The following LHFPL1 variants were observed in gnomAD, a reference collection of about 807,000 sequenced individuals.
LHFPL1 encodes the protein LHFPL tetraspan subfamily member 1.
Under a neutral mutation model 12.1 loss-of-function variants are expected in LHFPL1, and 4 were observed. That is an observed-to-expected ratio of 0.33 (90% CI 0.16 to 0.76). The LOEUF is 0.76. Among genes scored for constraint, LHFPL1 ranks in the 30% least tolerant of loss-of-function variants. The pLI, the probability that LHFPL1 is intolerant of heterozygous loss-of-function variation, is 0.61. For synonymous variants in LHFPL1, 52 were observed against 61.9 expected, an observed-to-expected ratio of 0.84 and a Z score of 0.75; for missense variants, 141 against 174.1, an observed-to-expected ratio of 0.81 and a Z score of 1.07.
At chrX:112,640,173 C>T (rs1930461007) in intron 3 of LHFPL1, among the ~76,000 whole-genome samples, 1 of 111,202 alleles carries the variant, frequency 9.0e-6, no homozygotes, top group Admixed American at 9.7e-5. Flanking sequence ...GATCAACAAA[C>T]TAGATGAGTG....
intron 3 of LHFPL1, among the ~76,000 whole-genome samples, chrX:112,632,360 C>A (rs1237084696): frequency 8.9e-6 from 1 of 112,019 alleles, no homozygotes; most frequent in East Asian, 2.8e-4. Flanking sequence ...GCTATTCCAT[C>A]AGAGACAGGT....
At chrX:112,667,991 A>T (rs990160924) in intron 2 of LHFPL1, among the ~76,000 whole-genome samples, 1 of 111,075 alleles carries the variant, frequency 9.0e-6, no homozygotes. Flanking sequence ...TGGATACTCC[A>T]TCTCTTCAGT....
At chrX:112,670,491 G>C (rs1931466565) in intron 2 of LHFPL1, among the ~76,000 whole-genome samples, 1 of 112,329 alleles carries the variant, frequency 8.9e-6, no homozygotes, top group Non-Finnish European at 1.9e-5. Context: ...CCTTAGATGT[G>C]GTCCAGATAA....
chrX:112,644,387 A>G (rs1930624946), intron 3 of LHFPL1, among the ~76,000 whole-genome samples: 1 of 111,360 alleles, frequency 9.0e-6, no homozygotes, highest in Admixed American at 9.6e-5. Context: ...ATACAATATG[A>G]TGTTTTTATA....
chrX:112,664,978 C>T (rs967461564), intron 2 of LHFPL1, among the ~76,000 whole-genome samples: 4 of 111,411 alleles, frequency 3.6e-5, no homozygotes, highest in Admixed American at 1.9e-4. Context: ...GTAATGTGGA[C>T]GTATCTTGTC....
chrX:112,671,571 C>A, intron 1 of LHFPL1, 167 bp from the exon 2 acceptor site: 3 of 1,081,305 alleles, frequency 2.8e-6, no homozygotes, highest in Non-Finnish European at 3.6e-6. Flanking sequence ...CATTTGGATC[C>A]CTGTGGGATT....
At chrX:112,647,853 C>T (rs1168526017) in intron 3 of LHFPL1, among the ~76,000 whole-genome samples, 1 of 111,683 alleles carries the variant, frequency 9.0e-6, no homozygotes, top group South Asian at 3.8e-4. Context: ...TAAATCATTC[C>T]ACTATAAAGA....
At chrX:112,664,692 T>C (rs920162999) in intron 2 of LHFPL1, among the ~76,000 whole-genome samples, 2 of 111,394 alleles carry the variant, frequency 1.8e-5, no homozygotes. Context: ...TTACATTTTA[T>C]CATAGCTGGA....
At chrX:112,670,328 T>G (rs896478565) in intron 2 of LHFPL1, among the ~76,000 whole-genome samples, 2 of 112,505 alleles carry the variant, frequency 1.8e-5, no homozygotes, top group African/African-American at 6.5e-5. Flanking sequence ...CATTTTTGCA[T>G]TTTGCTCTTT....
chrX:112,662,580 CA>C (rs1036497821), intron 2 of LHFPL1, among the ~76,000 whole-genome samples: 1 of 112,214 alleles, frequency 8.9e-6, no homozygotes, highest in Non-Finnish European at 1.9e-5. Flanking sequence ...AATTTACTGA[CA>C]GTGAGAATGG....
At chrX:112,646,464 C>T (rs888243283) in intron 3 of LHFPL1, among the ~76,000 whole-genome samples, 1 of 109,479 alleles carries the variant, frequency 9.1e-6, no homozygotes, top group African/African-American at 3.3e-5. Flanking sequence ...ATCCCCCAAA[C>T]ACATACCCCA....
At chrX:112,649,261 C>T (rs1387626949) in intron 3 of LHFPL1, among the ~76,000 whole-genome samples, 1 of 111,841 alleles carries the variant, frequency 8.9e-6, no homozygotes, top group Non-Finnish European at 1.9e-5. Context: ...TGGACCAGGA[C>T]TTTCTTATAT....
intron 3 of LHFPL1, among the ~76,000 whole-genome samples, chrX:112,633,933 C>T (rs1930263839): frequency 9.0e-6 from 1 of 111,356 alleles, no homozygotes; most frequent in Non-Finnish European, 1.9e-5. Flanking sequence ...GAGCTGTATC[C>T]CCTCCTTGTT....
intron 3 of LHFPL1, 90 bp from the exon 4 acceptor site, chrX:112,631,691 C>G: frequency 1.6e-6 from 1 of 644,404 alleles, no homozygotes; most frequent in South Asian, 3.7e-5. Flanking sequence ...CCAGAAAGTA[C>G]AGTTTTTATA....
chrX:112,674,077 G>A (rs775314928), intron 1 of LHFPL1, among the ~76,000 whole-genome samples: 6 of 111,712 alleles, frequency 5.4e-5, no homozygotes, highest in African/African-American at 1.6e-4. Context: ...CCAAAACAGC[G>A]TGGCACTGGT....
intron 3 of LHFPL1, among the ~76,000 whole-genome samples, chrX:112,632,886 T>G (rs1930229504): frequency 9.0e-6 from 1 of 111,306 alleles, no homozygotes; most frequent in African/African-American, 3.3e-5. Flanking sequence ...TCATGTCTCA[T>G]GCTGTTTCTC....
At chrX:112,667,009 C>T (rs187343797) in intron 2 of LHFPL1, among the ~76,000 whole-genome samples, 2 of 112,202 alleles carry the variant, frequency 1.8e-5, no homozygotes, top group Admixed American at 9.4e-5. Flanking sequence ...TTGAATACCA[C>T]TTCCCAAACA....
At chrX:112,653,294 C>T (rs1026178434) in intron 3 of LHFPL1, among the ~76,000 whole-genome samples, 5 of 111,343 alleles carry the variant, frequency 4.5e-5, no homozygotes, top group African/African-American at 1.3e-4. Flanking sequence ...AATGGAGACT[C>T]CCAGGCCTGG....
chrX:112,666,892 A>G (rs1459189130), intron 2 of LHFPL1, among the ~76,000 whole-genome samples: 2 of 111,467 alleles, frequency 1.8e-5, no homozygotes, highest in African/African-American at 6.5e-5. Flanking sequence ...AAAAAAATTC[A>G]AGAGCATCAG....
Sources: allele counts gnomAD v4.1 joint callset (sites outside exome capture counted in the v4.1 genomes callset), GRCh38; gene constraint gnomAD v4.1.1; transcripts MANE v1.5; gene names NCBI Gene and HGNC (gene_info 2026-07-23, HGNC 2026-07-21).